Variants in ARHGAP22 observed in about 807,000 individuals in gnomAD.
The protein encoded by ARHGAP22 is Rho GTPase activating protein 22.
ARHGAP22 carries 48 observed loss-of-function variants against 59.1 expected under a neutral mutation model. That is an observed-to-expected ratio of 0.81 (90% CI 0.64 to 1.03). ARHGAP22 has a LOEUF of 1.03. Ranked by LOEUF, ARHGAP22 falls within the 50% of genes least tolerant of loss-of-function variation. The pLI, the probability that ARHGAP22 is intolerant of heterozygous loss-of-function variation, is 0.00. For missense variants in ARHGAP22, 1,015 were observed against 958.7 expected (o/e 1.06, Z -0.78); for synonymous variants, 445 against 416.4 (o/e 1.07, Z -0.84).
At chr10:48,443,298 C>A (rs1235924243), downstream of ARHGAP22, among the ~76,000 whole-genome samples, 1 of 151,924 alleles carries the variant, frequency 6.6e-6, no homozygotes, top group Non-Finnish European at 1.5e-5. Flanking sequence ...TAATGTAAAG[C>A]TCTCAAATGC....
At chr10:48,560,199 G>A (rs940383933) in intron 2 of ARHGAP22, among the ~76,000 whole-genome samples, 1 of 152,078 alleles carries the variant, frequency 6.6e-6, no homozygotes, top group Non-Finnish European at 1.5e-5. Flanking sequence ...ATTTCTATAT[G>A]AATTTTAGAA....
upstream of ARHGAP22, among the ~76,000 whole-genome samples, chr10:48,607,517 G>A (rs544059267): frequency 6.6e-6 from 1 of 152,306 alleles, no homozygotes; most frequent in East Asian, 1.9e-4. Context: ...GCCCTGATCT[G>A]CAGGGCCCTG....
At chr10:48,587,877 C>G (rs887468824) in intron 1 of ARHGAP22, among the ~76,000 whole-genome samples, 23 of 152,244 alleles carry the variant, frequency 1.5e-4, no homozygotes, top group Non-Finnish European at 2.9e-5. Flanking sequence ...CTCATCAGCA[C>G]AGTCCAGCTC....
chr10:48,500,678 A>G (rs1252471448), intron 3 of ARHGAP22, among the ~76,000 whole-genome samples: 2 of 152,172 alleles, frequency 1.3e-5, no homozygotes, highest in African/African-American at 4.8e-5. Context: ...ACCTGAGGCC[A>G]GGAGTTCGAG....
intron 1 of ARHGAP22, among the ~76,000 whole-genome samples, chr10:48,649,210 C>A (rs1306188808): frequency 6.6e-6 from 1 of 152,162 alleles, no homozygotes; most frequent in Non-Finnish European, 1.5e-5. Context: ...GCTTCAGCGC[C>A]CCTCTCTCTA....
At chr10:48,611,846 CCCT>C (rs2060901560) in intron 1 of ARHGAP22, among the ~76,000 whole-genome samples, 3 of 50,088 alleles carry the variant, frequency 6.0e-5, no homozygotes, top group African/African-American at 2.3e-4. Context: ...CCCTTCCCTT[CCCT>C]TCCCTTCCCC....
chr10:48,650,814 C>T (rs1331242908), intron 1 of ARHGAP22, among the ~76,000 whole-genome samples: 1 of 152,162 alleles, frequency 6.6e-6, no homozygotes, highest in Non-Finnish European at 1.5e-5. Context: ...AGGTATTAGG[C>T]TTGAACAGTT....
intron 3 of ARHGAP22, among the ~76,000 whole-genome samples, chr10:48,489,599 A>G (rs2050167680): frequency 6.6e-6 from 1 of 152,218 alleles, no homozygotes; most frequent in South Asian, 2.1e-4. Flanking sequence ...CAAATATTTC[A>G]GGAATAAATT....
chr10:48,503,912 G>A (rs2051800875), intron 3 of ARHGAP22, among the ~76,000 whole-genome samples: 1 of 152,258 alleles, frequency 6.6e-6, no homozygotes, highest in South Asian at 2.1e-4. Context: ...CGGCTGGCCT[G>A]TGCCTTTCTC....
At chr10:48,441,255 A>G (rs1361241374), downstream of ARHGAP22, among the ~76,000 whole-genome samples, 1 of 152,144 alleles carries the variant, frequency 6.6e-6, no homozygotes, top group East Asian at 1.9e-4. Context: ...TAGTGGAAAG[A>G]TTCCTGTTGG....
chr10:48,505,181 G>A (rs2051971713), intron 3 of ARHGAP22, among the ~76,000 whole-genome samples: 1 of 152,192 alleles, frequency 6.6e-6, no homozygotes, highest in African/African-American at 2.4e-5. Flanking sequence ...AGCTTCCTGA[G>A]TAGCTGGGAT....
chr10:48,630,966 G>C (rs1002432793), intron 1 of ARHGAP22, among the ~76,000 whole-genome samples: 2 of 152,142 alleles, frequency 1.3e-5, no homozygotes, highest in Non-Finnish European at 1.5e-5. Context: ...ATTCTAGTTT[G>C]CTAAAAGTTT....
At chr10:48,520,638 T>C (rs574636098) in intron 3 of ARHGAP22, among the ~76,000 whole-genome samples, 28 of 152,144 alleles carry the variant, frequency 1.8e-4, no homozygotes, top group African/African-American at 4.8e-4. Flanking sequence ...TGTTTTTGAA[T>C]TTTTGGTTGA....
intron 1 of ARHGAP22, chr10:48,652,221 A>T (rs1268284987): frequency 6.5e-7 from 1 of 1,534,228 alleles, no homozygotes; most frequent in Admixed American, 2.0e-5. Flanking sequence ...ATAGAACATA[A>T]AAAAATTCTT....
intron 3 of ARHGAP22, among the ~76,000 whole-genome samples, chr10:48,519,415 G>A (rs1455906365): frequency 6.6e-6 from 1 of 152,232 alleles, no homozygotes; most frequent in Non-Finnish European, 1.5e-5. Flanking sequence ...CATGCCCAGA[G>A]CTCATCTATT....
chr10:48,496,982 G>T (rs992794723), intron 3 of ARHGAP22, among the ~76,000 whole-genome samples: 5 of 152,050 alleles, frequency 3.3e-5, no homozygotes, highest in African/African-American at 1.2e-4. Flanking sequence ...CTGTGCAGGG[G>T]GCCCAGGGCC....
At chr10:48,597,224 A>T (rs946665970) in intron 1 of ARHGAP22, among the ~76,000 whole-genome samples, 4 of 152,236 alleles carry the variant, frequency 2.6e-5, no homozygotes, top group African/African-American at 9.6e-5. Context: ...AGAGGATGGG[A>T]ACTCATCAAA....
intron 1 of ARHGAP22, among the ~76,000 whole-genome samples, chr10:48,591,403 G>T (rs576272007): frequency 6.6e-5 from 10 of 152,284 alleles, no homozygotes; most frequent in South Asian, 2.1e-4. Context: ...ATCCAGGAGG[G>T]ATCCTTCATT....
At chr10:48,641,630 C>T (rs1229168668) in intron 1 of ARHGAP22, among the ~76,000 whole-genome samples, 1 of 152,164 alleles carries the variant, frequency 6.6e-6, no homozygotes, top group Non-Finnish European at 1.5e-5. Flanking sequence ...AAACCCACAG[C>T]CAATATCATA....
Sources: gnomAD v4.1 joint callset for allele counts (sites outside exome capture counted in the v4.1 genomes callset) on GRCh38, gnomAD v4.1.1 for gene constraint, MANE v1.5 for transcripts, NCBI Gene and HGNC (gene_info 2026-07-23, HGNC 2026-07-21) for gene names.